HHAT: variants seen among roughly 807,000 people sequenced by gnomAD.
HHAT encodes the protein hedgehog acyltransferase, also known as protein-cysteine N-palmitoyltransferase HHAT.
In HHAT, 47 loss-of-function variants were observed where a neutral mutation model predicts 70.8. The observed-to-expected ratio is 0.66, with a 90% CI of 0.53 to 0.85. The LOEUF is 0.85. Ranked by LOEUF, HHAT falls within the 40% of genes least tolerant of loss-of-function variation. The pLI, the probability that HHAT is intolerant of heterozygous loss-of-function variation, is 0.00. For missense variants in HHAT, 609 were observed against 604.8 expected, an observed-to-expected ratio of 1.01 and a Z score of -0.07; for synonymous variants, 228 against 247.6, an observed-to-expected ratio of 0.92 and a Z score of 0.74.
chr1:210,479,345 T>A (rs2094355963), intron 8 of HHAT, among the ~76,000 whole-genome samples: 1 of 151,870 alleles, frequency 6.6e-6, no homozygotes, highest in Non-Finnish European at 1.5e-5. Context: ...AATAGAGGAG[T>A]CCCTGCCCTC....
intron 10 of HHAT, among the ~76,000 whole-genome samples, chr1:210,619,404 A>T (rs1355676921): frequency 6.6e-6 from 1 of 152,092 alleles, no homozygotes; most frequent in African/African-American, 2.4e-5. Context: ...GTGATGACAC[A>T]TGGTGGGCAG....
intron 9 of HHAT, among the ~76,000 whole-genome samples, chr1:210,585,981 C>A (rs1660354277): frequency 6.6e-6 from 1 of 152,050 alleles, no homozygotes; most frequent in South Asian, 2.1e-4. Context: ...AGGATTCTTG[C>A]TACAATAAAG....
chr1:210,449,423 C>T (rs974062901), intron 7 of HHAT, among the ~76,000 whole-genome samples: 4 of 152,110 alleles, frequency 2.6e-5, no homozygotes, highest in Admixed American at 6.6e-5. Context: ...CCTTTCCCGT[C>T]GCTGAAGTTG....
chr1:210,527,938 G>A (rs560183361), intron 9 of HHAT, among the ~76,000 whole-genome samples: 26 of 152,192 alleles, frequency 1.7e-4, no homozygotes, highest in Non-Finnish European at 3.2e-4. Context: ...AAACAAATGG[G>A]TGAAGTCAAT....
intron 2 of HHAT, among the ~76,000 whole-genome samples, chr1:210,362,236 C>CTTTTTTTTTTTTTTTTT (rs72236593): frequency 7.2e-6 from 1 of 139,674 alleles, no homozygotes. Context: ...GTCAAAATTT[C>CTTTTTTTTTTTTTTTTT]TTTTTTTTTT....
At chr1:210,570,050 G>C (rs1655859542) in intron 9 of HHAT, among the ~76,000 whole-genome samples, 1 of 152,186 alleles carries the variant, frequency 6.6e-6, no homozygotes, top group Admixed American at 6.5e-5. Flanking sequence ...TTTGATTCTA[G>C]TGGACAGTCA....
At chr1:210,474,951 A>G (rs1220058400) in intron 8 of HHAT, among the ~76,000 whole-genome samples, 1 of 151,930 alleles carries the variant, frequency 6.6e-6, no homozygotes, top group African/African-American at 2.4e-5. Context: ...CCCAGGCTCA[A>G]GTGATCATCC....
chr1:210,560,033 T>G (rs185925198), intron 9 of HHAT, among the ~76,000 whole-genome samples: 1 of 152,282 alleles, frequency 6.6e-6, no homozygotes, highest in Admixed American at 6.5e-5. Context: ...GTCTTTCTCC[T>G]GAGTTGGCTG....
Position 210,623,688 on chromosome 1 carries a change from G to A in HHAT, c.1390+18G>A. ...CATACAAGGTAAGTTGCTTGACAGT[G>A]CTGTTTTCAGTCAGTTTCTTGTTTT... On this transcript the variant is annotated intron_variant, in intron 11 of 11. Transcript: ENST00000261458. 1 of 1,609,430 alleles carries A rather than the reference G, an allele frequency of 6.2e-7. No individual in the cohort carries two copies. Among genetic ancestry groups the A allele is most frequent in the Non-Finnish European group, 8.5e-7 (1 of 1,176,752 alleles).
intron 11 of HHAT, among the ~76,000 whole-genome samples, chr1:210,636,074 G>A (rs1671815922): frequency 1.3e-5 from 2 of 152,198 alleles, no homozygotes; most frequent in African/African-American, 2.4e-5. Flanking sequence ...GTATGAATCT[G>A]TGTCTGCTGT....
At chr1:210,454,240 T>TACA (rs1558548365) in intron 7 of HHAT, among the ~76,000 whole-genome samples, 1 of 149,948 alleles carries the variant, frequency 6.7e-6, no homozygotes, top group Non-Finnish European at 1.5e-5. Flanking sequence ...TTTAGAATTT[T>TACA]CAGACATTTT....
intron 10 of HHAT, among the ~76,000 whole-genome samples, chr1:210,612,003 G>A (rs1029751885): frequency 2.0e-5 from 3 of 152,086 alleles, no homozygotes; most frequent in Admixed American, 6.5e-5. Flanking sequence ...TTTGACATCA[G>A]GATGACGCTG....
At chr1:210,507,043 A>G (rs2094868306) in intron 8 of HHAT, among the ~76,000 whole-genome samples, 1 of 152,234 alleles carries the variant, frequency 6.6e-6, no homozygotes, top group South Asian at 2.1e-4. Flanking sequence ...GAATGGGCAC[A>G]TAGTAAATAT....
chr1:210,614,961 G>C (rs1667373950), intron 10 of HHAT, among the ~76,000 whole-genome samples: 1 of 152,148 alleles, frequency 6.6e-6, no homozygotes, highest in African/African-American at 2.4e-5. Flanking sequence ...GGTATTTCCA[G>C]TTCTAGATCC....
intron 8 of HHAT, among the ~76,000 whole-genome samples, chr1:210,464,952 AT>A (rs1447384716): frequency 6.6e-6 from 1 of 152,214 alleles, no homozygotes; most frequent in Non-Finnish European, 1.5e-5. Context: ...AGGCTACTGT[AT>A]CTTGATTTAT....
intron 7 of HHAT, among the ~76,000 whole-genome samples, chr1:210,445,724 G>T (rs938863373): frequency 2.6e-5 from 4 of 152,118 alleles, no homozygotes; most frequent in Non-Finnish European, 5.9e-5. Context: ...GTTGGTGGTG[G>T]ACTGATTTTT....
chr1:210,515,188 T>G (rs894763224), intron 9 of HHAT, among the ~76,000 whole-genome samples: 6 of 152,178 alleles, frequency 3.9e-5, no homozygotes, highest in African/African-American at 1.2e-4. Context: ...ATCAGCAGGT[T>G]TATTGCTTAT....
intron 1 of HHAT, among the ~76,000 whole-genome samples, chr1:210,333,260 T>A (rs547596552): frequency 1.3e-5 from 2 of 152,254 alleles, no homozygotes; most frequent in Non-Finnish European, 2.9e-5. Flanking sequence ...CTCTTAATGC[T>A]AATTTGTATT....
chr1:210,530,654 G>A (rs2095305479), intron 9 of HHAT, among the ~76,000 whole-genome samples: 1 of 152,178 alleles, frequency 6.6e-6, no homozygotes, highest in Non-Finnish European at 1.5e-5. Context: ...GCACGGACTT[G>A]AGTGATGTCT....
Sources: allele counts gnomAD v4.1 joint callset (sites outside exome capture counted in the v4.1 genomes callset), GRCh38; gene constraint gnomAD v4.1.1; transcripts MANE v1.5; gene names NCBI Gene and HGNC (gene_info 2026-07-23, HGNC 2026-07-21).